Variants in ADAMTS3 observed in about 807,000 individuals in gnomAD.
ADAMTS3 encodes ADAM metallopeptidase with thrombospondin type 1 motif 3.
A neutral mutation model predicts 129.0 loss-of-function variants in ADAMTS3; 73 were observed. The ratio of observed to expected loss-of-function variants is 0.57; its 90% confidence interval spans 0.47 to 0.69. ADAMTS3 has a LOEUF of 0.69. Ranked by LOEUF, ADAMTS3 falls within the 30% of genes least tolerant of loss-of-function variation. The pLI, the probability that ADAMTS3 is intolerant of heterozygous loss-of-function variation, is 0.00. For synonymous variants in ADAMTS3, 477 were observed against 510.8 expected (o/e 0.93, Z 0.89); for missense variants, 1,457 against 1,514.5 (o/e 0.96, Z 0.63).
intron 3 of ADAMTS3, among the ~76,000 whole-genome samples, chr4:72,420,596 C>T (rs1422164741): frequency 1.3e-5 from 2 of 152,140 alleles, no homozygotes; most frequent in African/African-American, 4.8e-5. Context: ...GTTAGTAACC[C>T]ACCACTGCCC....
At chr4:72,354,575 C>A (rs1015095755) in intron 4 of ADAMTS3, among the ~76,000 whole-genome samples, 2 of 151,926 alleles carry the variant, frequency 1.3e-5, no homozygotes, top group African/African-American at 4.8e-5. Context: ...GTCCCTTGGG[C>A]AAATCATTCA....
At position 72,453,268 on chromosome 4, in the gene ADAMTS3, T is replaced by C. The variant is rs547471274; in HGVS notation, c.505-38297A>G. Among the ~76,000 whole-genome samples, 6 of 151,954 alleles carry C rather than the reference T, an allele frequency of 3.9e-5. No homozygotes were observed. The East Asian group carries it at 9.8e-4, about 25-fold the overall frequency. On this transcript the variant is annotated intron_variant, in intron 3 of 21. Transcript: ENST00000286657. ...ATAATATTTCAGACACTATGGCTGGTAGTAGTAGAAACAGCTGTAGTCAGA... is the reference window on the plus strand; with the variant it reads ...ATAATATTTCAGACACTATGGCTGGCAGTAGTAGAAACAGCTGTAGTCAGA...
At chr4:72,389,239 C>T (rs62318842) in intron 4 of ADAMTS3, among the ~76,000 whole-genome samples, 12,921 of 152,064 alleles carry the variant, frequency 0.085, 719 homozygotes, top group East Asian at 0.23. Context: ...AATTCTTTAC[C>T]GCACAGGTAT....
At chr4:72,305,880 G>A (rs1333644623) in intron 16 of ADAMTS3, 107 bp downstream of exon 16, 13 of 905,760 alleles carry the variant, frequency 1.4e-5, no homozygotes, top group East Asian at 2.5e-5. Flanking sequence ...GTACATATAC[G>A]TATGCACATA....
chr4:72,345,398 T>C (rs143003515), intron 4 of ADAMTS3, among the ~76,000 whole-genome samples: 1 of 152,306 alleles, frequency 6.6e-6, no homozygotes, highest in Non-Finnish European at 1.5e-5. Flanking sequence ...TATCATCCAA[T>C]AGTGATTTTT....
At chr4:72,564,204 A>G (rs1251369987) in intron 2 of ADAMTS3, among the ~76,000 whole-genome samples, 3 of 152,160 alleles carry the variant, frequency 2.0e-5, no homozygotes, top group Non-Finnish European at 2.9e-5. Flanking sequence ...AAGGATCACA[A>G]TGCTTTTTCC....
intron 3 of ADAMTS3, among the ~76,000 whole-genome samples, chr4:72,455,852 T>A (rs1251101174): frequency 7.4e-5 from 9 of 122,122 alleles, no homozygotes; most frequent in African/African-American, 2.7e-4. Context: ...ACTATATATT[T>A]TATATATAGT....
In ADAMTS3 at chr4:72,281,485, T is replaced by A. The variant is rs1439964400; in HGVS notation, c.*1651A>T. 6.6e-6 allele frequency: 1 copy of A among 152,370 alleles called. No individual in the cohort carries two copies. The highest frequency in any genetic ancestry group is 1.5e-5 in the Non-Finnish European group (1 of 68,042). The allele number at this position is 152,370 out of a possible 1,614,324, so 9.4% of individuals were successfully genotyped here. On this transcript the variant is annotated 3_prime_UTR_variant, in exon 22 of 22. Transcript: ENST00000286657. The stretch of plus-strand genomic sequence containing the variant: ...ATGCTGATATCACTATCTCCTCTCA[T>A]GTACATGTAATTCATGATGCACTTA...
intron 3 of ADAMTS3, among the ~76,000 whole-genome samples, chr4:72,546,119 T>C (rs1013555233): frequency 3.3e-5 from 5 of 152,164 alleles, no homozygotes; most frequent in African/African-American, 1.2e-4. Flanking sequence ...CATTGTAACT[T>C]TGCAGCTGCC....
chr4:72,379,671 C>A (rs1056279913), intron 4 of ADAMTS3, among the ~76,000 whole-genome samples: 1 of 152,064 alleles, frequency 6.6e-6, no homozygotes, highest in African/African-American at 2.4e-5. Flanking sequence ...TCTGGGACAT[C>A]TGTAGTATCA....
rs72852041 is a variant in ADAMTS3, at chr4:72,405,132, G to C, written c.661+9683C>G. On this transcript the variant is annotated intron_variant, in intron 4 of 21. Transcript: ENST00000286657. ...TCCTAGAGAAAATAAACTATGTTGA[G>C]GCTCCTGAGAATATTAAAAAATAGA... Among the ~76,000 whole-genome samples, 815 of 152,170 alleles carry C rather than the reference G, an allele frequency of 5.4e-3. 11 individuals are homozygous for C. The highest frequency in any genetic ancestry group is 0.019 in the African/African-American group (777 of 41,546).
Position 72,288,860 on chromosome 4 carries a change from C to T in ADAMTS3, c.2940G>A (p.Val980=). Residue 980 remains valine (V), a synonymous_variant, in exon 21 of 22, where the codon GTG becomes GTA. Transcript: ENST00000286657. ...TCACCTCCGTTCCTTCACCGCAGGT[C>T]ACTGAACACTGCAGAGACAAAGGCT... is the stretch of plus-strand genomic sequence containing the variant. ...WKTGPWSECS[V]TCGEGTEVRQ... 1 of 1,608,478 alleles carries T rather than the reference C, an allele frequency of 6.2e-7. No homozygotes were observed. Among genetic ancestry groups the T allele is most frequent in the Non-Finnish European group, 8.5e-7 (1 of 1,175,942 alleles).
chr4:72,437,959 T>C (rs1212475744), intron 3 of ADAMTS3, among the ~76,000 whole-genome samples: 1 of 151,746 alleles, frequency 6.6e-6, no homozygotes, highest in African/African-American at 2.4e-5. Context: ...TGAGTTTAGC[T>C]TGATGAAACT....
intron 4 of ADAMTS3, among the ~76,000 whole-genome samples, chr4:72,361,894 A>G (rs1458690392): frequency 1.3e-5 from 2 of 152,066 alleles, no homozygotes; most frequent in East Asian, 3.9e-4. Flanking sequence ...TTACAACACT[A>G]ATTTTAAAAT....
At chr4:72,450,789 GA>G (rs1560519947) in intron 3 of ADAMTS3, among the ~76,000 whole-genome samples, 1 of 151,554 alleles carries the variant, frequency 6.6e-6, no homozygotes, top group African/African-American at 2.4e-5. Flanking sequence ...TGTCTTGCTA[GA>G]AAGGCCTTCA....
At chr4:72,339,779 G>T in intron 4 of ADAMTS3, 86 bp from the exon 5 acceptor site, 1 of 1,065,054 alleles carries the variant, frequency 9.4e-7, no homozygotes, top group Non-Finnish European at 1.4e-6. Flanking sequence ...TCTTCTCAGG[G>T]GCCTATCAGT....
Position 72,283,575 on chromosome 4 carries a change from G to A in ADAMTS3, c.3179C>T (p.Pro1060Leu), listed in dbSNP as rs1224198791. 2 of 1,613,932 alleles carry A rather than the reference G, an allele frequency of 1.2e-6. No homozygotes were observed. Residue 1060 changes from proline (P) to leucine (L), a missense_variant, in exon 22 of 22, where the codon CCA becomes CTA. By Grantham distance (98) the Pro-to-Leu change is moderately conservative. Coordinates refer to ENST00000286657, the MANE Select transcript of ADAMTS3 (RefSeq NM_014243.3). Reference sequence around the variant, plus strand: ...AGTTTCAGCAGCTTCTAGAAGGTATGGTGGTGGCAGGGTGCTACTGCGCTT... The same window carrying A: ...AGTTTCAGCAGCTTCTAGAAGGTATAGTGGTGGCAGGGTGCTACTGCGCTT... ...CSKRSSTLPPPYLLEAAETHD... is the reference protein window; with the variant it reads ...CSKRSSTLPPLYLLEAAETHD...
chr4:72,516,609 G>A (rs548142012), intron 3 of ADAMTS3, among the ~76,000 whole-genome samples: 43 of 152,228 alleles, frequency 2.8e-4, no homozygotes, highest in African/African-American at 8.7e-4. Context: ...TTTTGAATGG[G>A]AGTTCACTCA....
chr4:72,428,893 C>G (rs570387723), intron 3 of ADAMTS3, among the ~76,000 whole-genome samples: 1 of 151,938 alleles, frequency 6.6e-6, no homozygotes. Flanking sequence ...CCCACTTATT[C>G]CCATAATAAA....
Sources: allele counts gnomAD v4.1 joint callset (sites outside exome capture counted in the v4.1 genomes callset), GRCh38; gene constraint gnomAD v4.1.1; transcripts MANE v1.5; gene names NCBI Gene and HGNC (gene_info 2026-07-23, HGNC 2026-07-21).